Variants in C5orf22 observed in about 807,000 individuals in gnomAD.
The protein encoded by C5orf22 is UPF0489 protein C5orf22.
In C5orf22, 36 loss-of-function variants were observed where a neutral mutation model predicts 48.7. That is an observed-to-expected ratio of 0.74 (90% CI 0.57 to 0.98). The LOEUF (loss-of-function observed/expected upper bound fraction) is 0.98, where lower values mean the gene tolerates loss of function less well. Among genes scored for constraint, C5orf22 ranks in the 50% least tolerant of loss-of-function variants. The probability of loss-of-function intolerance (pLI) is 0.00; values close to 1 mark genes in which losing one functional copy is unlikely to be tolerated. For synonymous variants in C5orf22, 141 were observed against 180.8 expected, an observed-to-expected ratio of 0.78 and a Z score of 1.76; for missense variants, 486 against 521.9, an observed-to-expected ratio of 0.93 and a Z score of 0.67.
intron 4 of C5orf22, among the ~76,000 whole-genome samples, chr5:31,539,390 A>G (rs1742313001): frequency 6.6e-6 from 1 of 152,216 alleles, no homozygotes; most frequent in Admixed American, 6.5e-5. Context: ...CCATTCCCTC[A>G]GTTCTTTGCT....
Position 31,539,846 on chromosome 5 carries a change from C to G in C5orf22, c.808-1103C>G, listed in dbSNP as rs558720855. Among the ~76,000 whole-genome samples, 49 of 151,856 alleles carry G rather than the reference C, an allele frequency of 3.2e-4. 1 individual carries two copies. The highest frequency in any genetic ancestry group is 6.0e-4 in the Non-Finnish European group (41 of 67,990). Reference sequence around the variant, plus strand: ...CCACTTGAGCCAAGGAGTTTGAGAACAGCGTAGGCAACGTAGCAAGACCCC... The same window carrying G: ...CCACTTGAGCCAAGGAGTTTGAGAAGAGCGTAGGCAACGTAGCAAGACCCC... On this transcript the variant is annotated intron_variant, in intron 4 of 8. Transcript: ENST00000325366.
At chr5:31,534,870 C>G in intron 2 of C5orf22, 5 of 379,058 alleles carry the variant, frequency 1.3e-5, no homozygotes, top group Non-Finnish European at 2.6e-5. Context: ...ATAACCAGAC[C>G]CCATCTCTTA....
chr5:31,545,854 T>TG, intron 7 of C5orf22, 142 bp downstream of exon 7: 1 of 570,284 alleles, frequency 1.8e-6, no homozygotes, highest in Non-Finnish European at 3.0e-6. Flanking sequence ...AAGAAATGAG[T>TG]GAAAAAAATA....
chr5:31,536,212 T>G (rs1742073989), intron 3 of C5orf22, among the ~76,000 whole-genome samples: 1 of 152,202 alleles, frequency 6.6e-6, no homozygotes, highest in African/African-American at 2.4e-5. Flanking sequence ...TTTTACTGTT[T>G]CCTGTCAGTA....
At chr5:31,546,377 T>C (rs1255922315) in intron 7 of C5orf22, among the ~76,000 whole-genome samples, 1 of 152,220 alleles carries the variant, frequency 6.6e-6, no homozygotes, top group Non-Finnish European at 1.5e-5. Context: ...CTTAGTGTGG[T>C]CTTTCTCTTA....
chr5:31,551,341 A>G lies in C5orf22; in HGVS notation c.1108A>G (p.Ile370Val). The G allele has an allele frequency of 6.2e-7, 1 of 1,613,680 alleles. No individual in the cohort carries two copies. Among genetic ancestry groups the G allele is most frequent in the Non-Finnish European group, 8.5e-7 (1 of 1,179,808 alleles). Residue 370 changes from isoleucine to valine, a missense_variant, in exon 8 of 9, where the codon ATC becomes GTC. Ile to Val is a conservative substitution (Grantham distance 29). Transcript: ENST00000325366. ...TCDYSELPHHISTEQEIECLI... is the reference protein window; with the variant it reads ...TCDYSELPHHVSTEQEIECLI... The stretch of plus-strand genomic sequence containing the variant: ...CGATTATTCAGAACTTCCTCACCAT[A>G]TCAGCACAGAACAAGAAATAGAGTG...
At chr5:31,534,550 AT>A in intron 2 of C5orf22, 133 bp downstream of exon 2, 2 of 811,640 alleles carry the variant, frequency 2.5e-6, no homozygotes, top group Non-Finnish European at 3.8e-6. Flanking sequence ...TGTCTTTTTC[AT>A]TTTATTTAGA....
intron 4 of C5orf22, among the ~76,000 whole-genome samples, chr5:31,540,531 C>T (rs1742388853): frequency 6.6e-6 from 1 of 152,078 alleles, no homozygotes; most frequent in African/African-American, 2.4e-5. Context: ...ATAGGGAGTT[C>T]TTTGTTGTTG....
rs1741568719 is a variant in C5orf22, at chr5:31,532,325, A to T, written c.-68A>T. The T allele has an allele frequency of 1.3e-6, 2 of 1,538,994 alleles. No individual in the cohort carries two copies. The highest frequency in any genetic ancestry group is 1.8e-6 in the Non-Finnish European group (2 of 1,113,342). On this transcript the variant is annotated 5_prime_UTR_variant, in exon 1 of 9. Coordinates refer to ENST00000325366, the MANE Select transcript of C5orf22 (RefSeq NM_018356.3). ...CGCCCGGAGAGAGCTGGCCGGGATGAGGCGCCGGCTTTCCCGGGTCTTCTC... is the reference window on the plus strand; with the variant it reads ...CGCCCGGAGAGAGCTGGCCGGGATGTGGCGCCGGCTTTCCCGGGTCTTCTC...
intron 6 of C5orf22, 110 bp downstream of exon 6, chr5:31,541,512 G>T: frequency 8.6e-7 from 1 of 1,163,268 alleles, no homozygotes; most frequent in Admixed American, 2.0e-5. Context: ...TCAGCTACTT[G>T]GGACACTGAG....
Position 31,538,433 on chromosome 5 carries a change from T to C in C5orf22, c.551T>C (p.Leu184Pro). 2 of 1,614,190 alleles carry C rather than the reference T, an allele frequency of 1.2e-6. No homozygotes were observed. Among genetic ancestry groups the C allele is most frequent in the Non-Finnish European group, 1.7e-6 (2 of 1,180,022 alleles). The change falls in exon 4 of 9, where the codon CTG (leucine) becomes CCG (proline). Residue 184 changes from leucine to proline, a missense_variant. Leu to Pro is a moderately conservative substitution (Grantham distance 98). Around this residue, in one of 3 missense-constraint regions of C5orf22, gnomAD observed 408 missense variants for 444.0 expected, o/e 0.92. Coordinates refer to ENST00000325366, the MANE Select transcript of C5orf22 (RefSeq NM_018356.3). ...VSSAKKPKLALEDSENTASTN... is the reference protein window; with the variant it reads ...VSSAKKPKLAPEDSENTASTN... The stretch of plus-strand genomic sequence containing the variant: ...TCTGCTAAGAAACCAAAGCTAGCCC[T>C]GGAAGATTCGGAAAACACTGCCTCT...
In C5orf22 at chr5:31,552,761, T is replaced by C. The variant is rs1743361925; in HGVS notation, c.1200-12T>C. 2 of 1,610,584 alleles carry C rather than the reference T, an allele frequency of 1.2e-6. No homozygotes were observed. On this transcript the variant is annotated splice_polypyrimidine_tract_variant and intron_variant, in intron 8 of 8. Transcript: ENST00000325366. ...TGTGTATTTTTCTTCTTTCTCTTTC[T>C]GTTGGTTCTAGGTCAAGTCTGGATG...
chr5:31,542,512 A>G (rs1742537956), intron 6 of C5orf22, among the ~76,000 whole-genome samples: 1 of 150,446 alleles, frequency 6.6e-6, no homozygotes, highest in African/African-American at 2.4e-5. Flanking sequence ...GAAAACCCAA[A>G]CACAAGTGGA....
Position 31,538,594 on chromosome 5 carries a change from A to G in C5orf22, c.712A>G (p.Ile238Val), listed in dbSNP as rs757512485. Residue 238 changes from isoleucine to valine, a missense_variant, in exon 4 of 9, where the codon ATT becomes GTT. Physicochemically the swap from Ile to Val is conservative, Grantham distance 29 (BLOSUM62 3). Around this residue, in one of 3 missense-constraint regions of C5orf22, gnomAD observed 408 missense variants for 444.0 expected, o/e 0.92. Coordinates refer to ENST00000325366, the MANE Select transcript of C5orf22 (RefSeq NM_018356.3). ...ECQTAASTGE[I>V]LEILKKGKAF... is the part of the protein sequence containing the mutation. Reference sequence around the variant, plus strand: ...CCAGACTGCTGCCAGCACTGGGGAAATTCTGGAAATTTTGAAGAAAGGGAA... The same window carrying G: ...CCAGACTGCTGCCAGCACTGGGGAAGTTCTGGAAATTTTGAAGAAAGGGAA... 13 of 1,614,158 alleles carry G rather than the reference A, an allele frequency of 8.1e-6. No homozygotes were observed. The South Asian group carries it at 1.4e-4, about 18-fold the overall frequency.
Position 31,534,423 on chromosome 5 carries a change from A to G in C5orf22, c.227+6A>G. 1 of 1,599,052 alleles carries G rather than the reference A, an allele frequency of 6.3e-7. No homozygotes were observed. The highest frequency in any genetic ancestry group is 8.5e-7 in the Non-Finnish European group (1 of 1,175,128). ...GATAAGGAAACACTCTTTGGGTAATATGTGATTTTATTTATGGTCTTTTGT... is the reference window on the plus strand; with the variant it reads ...GATAAGGAAACACTCTTTGGGTAATGTGTGATTTTATTTATGGTCTTTTGT... On this transcript the variant is annotated splice_donor_region_variant and intron_variant, in intron 2 of 8. Transcript: ENST00000325366.
intron 3 of C5orf22, among the ~76,000 whole-genome samples, chr5:31,536,159 A>T (rs1742067729): frequency 6.6e-6 from 1 of 152,238 alleles, no homozygotes; most frequent in Non-Finnish European, 1.5e-5. Context: ...TTAACTCCTT[A>T]AGCCATTGAA....
At chr5:31,538,824 C>A in intron 4 of C5orf22, 135 bp downstream of exon 4, 1 of 669,600 alleles carries the variant, frequency 1.5e-6, no homozygotes, top group Non-Finnish European at 2.5e-6. Flanking sequence ...TACTAATACC[C>A]TTTTCTGTTG....
chr5:31,536,975 C>G (rs1404519052), intron 3 of C5orf22, among the ~76,000 whole-genome samples: 2 of 152,098 alleles, frequency 1.3e-5, no homozygotes, highest in Non-Finnish European at 2.9e-5. Context: ...ATACAATTAA[C>G]TTTTGTAGTA....
Position 31,551,323 on chromosome 5 carries a change from T to G in C5orf22, c.1090T>G (p.Ser364Ala). Residue 364 changes from serine (S) to alanine (A), a missense_variant, in exon 8 of 9, where the codon TCA (serine) becomes GCA (alanine). Transcript: ENST00000325366. ...CCAGGCTGGTTTAACCTGCGATTAT[T>G]CAGAACTTCCTCACCATATCAGCAC... ...VHQAGLTCDY[S>A]ELPHHISTEQ... 1.9e-6 allele frequency: 3 copies of G among 1,613,510 alleles called. No homozygotes were observed. Among genetic ancestry groups the G allele is most frequent in the Non-Finnish European group, 2.5e-6 (3 of 1,179,740 alleles).
Sources: allele counts gnomAD v4.1 joint callset (sites outside exome capture counted in the v4.1 genomes callset), GRCh38; gene constraint gnomAD v4.1.1; regional missense constraint gnomAD v4.1.1; transcripts MANE v1.5; gene names NCBI Gene and HGNC (gene_info 2026-07-23, HGNC 2026-07-21).